COL8A1: variants seen among roughly 807,000 people sequenced by gnomAD.
COL8A1 encodes collagen alpha-1(VIII) chain.
A neutral mutation model predicts 42.7 loss-of-function variants in COL8A1; 21 were observed. The ratio of observed to expected loss-of-function variants is 0.49; its 90% CI spans 0.35 to 0.71. COL8A1 has a LOEUF of 0.71. Ranked by LOEUF, COL8A1 falls within the 30% of genes least tolerant of loss-of-function variation. The pLI is 0.01. For missense variants in COL8A1, 788 were observed against 962.4 expected, an observed-to-expected ratio of 0.82 and a Z score of 2.40; for synonymous variants, 367 against 369.1, an observed-to-expected ratio of 0.99 and a Z score of 0.06.
At chr3:99,783,111 T>C (rs141801471) in intron 2 of COL8A1, among the ~76,000 whole-genome samples, 232 of 152,310 alleles carry the variant, frequency 1.5e-3, no homozygotes, top group African/African-American at 5.2e-3. Context: ...GGCAATGAAC[T>C]TACAGTTCGG....
intron 2 of COL8A1, among the ~76,000 whole-genome samples, chr3:99,761,982 G>A (rs2107426452): frequency 6.6e-6 from 1 of 152,266 alleles, no homozygotes; most frequent in African/African-American, 2.4e-5. Context: ...GGCTGACAGA[G>A]AGGCGATACA....
intron 1 of COL8A1, among the ~76,000 whole-genome samples, chr3:99,733,543 T>A (rs1450648699): frequency 6.6e-6 from 1 of 152,026 alleles, no homozygotes; most frequent in Non-Finnish European, 1.5e-5. Flanking sequence ...TAATCCAGTC[T>A]ATCATTGTTG....
chr3:99,758,517 A>C (rs1040350483), intron 2 of COL8A1, among the ~76,000 whole-genome samples: 1 of 152,156 alleles, frequency 6.6e-6, no homozygotes, highest in African/African-American at 2.4e-5. Context: ...GCTGTAACAG[A>C]TACTTTATTG....
intron 1 of COL8A1, among the ~76,000 whole-genome samples, chr3:99,677,398 A>G (rs549573253): frequency 8.9e-4 from 136 of 152,228 alleles, no homozygotes; most frequent in African/African-American, 3.1e-3. Context: ...TTCACCAGTC[A>G]TTACCTAACA....
chr3:99,762,913 T>C (rs1941391131), intron 2 of COL8A1, among the ~76,000 whole-genome samples: 1 of 152,142 alleles, frequency 6.6e-6, no homozygotes, highest in African/African-American at 2.4e-5. Context: ...ACCTGGGTAG[T>C]ACTTGGAGTT....
chr3:99,697,880 A>C (rs1016042162), intron 1 of COL8A1, among the ~76,000 whole-genome samples: 3 of 152,146 alleles, frequency 2.0e-5, no homozygotes, highest in African/African-American at 7.2e-5. Flanking sequence ...GGTTTGTTAC[A>C]TAGGTATACA....
At chr3:99,725,209 T>TA (rs1940270719) in intron 1 of COL8A1, among the ~76,000 whole-genome samples, 1 of 152,002 alleles carries the variant, frequency 6.6e-6, no homozygotes, top group Non-Finnish European at 1.5e-5. Flanking sequence ...AGAGGAATCA[T>TA]CCAAGAGTTG....
At chr3:99,669,486 G>T (rs1373920091) in intron 1 of COL8A1, among the ~76,000 whole-genome samples, 23 of 151,984 alleles carry the variant, frequency 1.5e-4, no homozygotes, top group Non-Finnish European at 5.9e-5. Context: ...CATTAACTGA[G>T]ATAATTGAGA....
intron 1 of COL8A1, among the ~76,000 whole-genome samples, chr3:99,734,679 C>T (rs1476137923): frequency 6.6e-6 from 1 of 151,768 alleles, no homozygotes; most frequent in Non-Finnish European, 1.5e-5. Flanking sequence ...TTTTCCAATT[C>T]TGTGAAGAAA....
intron 1 of COL8A1, among the ~76,000 whole-genome samples, chr3:99,657,776 A>G (rs1938068971): frequency 6.6e-6 from 1 of 152,118 alleles, no homozygotes; most frequent in African/African-American, 2.4e-5. Flanking sequence ...TGTTTGCACC[A>G]TCTGCCACAC....
chr3:99,694,966 T>A (rs1463769473), intron 1 of COL8A1, among the ~76,000 whole-genome samples: 1 of 152,178 alleles, frequency 6.6e-6, no homozygotes, highest in Admixed American at 6.5e-5. Flanking sequence ...ATAATTAACA[T>A]CCTCTGTGAG....
chr3:99,697,700 A>G (rs981725741), intron 1 of COL8A1, among the ~76,000 whole-genome samples: 3 of 152,248 alleles, frequency 2.0e-5, no homozygotes, highest in South Asian at 2.1e-4. Flanking sequence ...CTCAAGATTC[A>G]GTGCACCTGC....
chr3:99,714,689 C>G (rs1939944963), intron 1 of COL8A1, among the ~76,000 whole-genome samples: 1 of 152,064 alleles, frequency 6.6e-6, no homozygotes, highest in South Asian at 2.1e-4. Flanking sequence ...AAGCCATGAT[C>G]TTAGGCTCTG....
At chr3:99,702,089 C>T (rs1284721111) in intron 1 of COL8A1, among the ~76,000 whole-genome samples, 1 of 152,160 alleles carries the variant, frequency 6.6e-6, no homozygotes, top group Non-Finnish European at 1.5e-5. Context: ...CTAACTGTCT[C>T]CCAGCCCTAC....
intron 1 of COL8A1, among the ~76,000 whole-genome samples, chr3:99,646,063 G>T (rs1937634851): frequency 6.6e-6 from 1 of 152,090 alleles, no homozygotes; most frequent in Non-Finnish European, 1.5e-5. Flanking sequence ...CTAAATCTGG[G>T]TCTCTCCAGG....
chr3:99,672,632 C>T (rs1294987542), intron 1 of COL8A1, among the ~76,000 whole-genome samples: 3 of 151,844 alleles, frequency 2.0e-5, no homozygotes, highest in African/African-American at 7.2e-5. Context: ...ATCATTCTTA[C>T]ACTTATTTTT....
chr3:99,719,453 A>G (rs974913727), intron 1 of COL8A1, among the ~76,000 whole-genome samples: 1 of 152,140 alleles, frequency 6.6e-6, no homozygotes, highest in Admixed American at 6.6e-5. Flanking sequence ...CACTCAGAAT[A>G]TAACAGTGAG....
intron 2 of COL8A1, among the ~76,000 whole-genome samples, chr3:99,765,295 G>T (rs900156): frequency 8.7e-4 from 132 of 152,172 alleles, no homozygotes; most frequent in African/African-American, 3.0e-3. Context: ...CTGGTAAACT[G>T]CTCAAACTCA....
intron 1 of COL8A1, among the ~76,000 whole-genome samples, chr3:99,744,599 T>C (rs1343791315): frequency 3.9e-5 from 6 of 152,258 alleles, no homozygotes; most frequent in Non-Finnish European, 8.8e-5. Flanking sequence ...TATTTCTTCA[T>C]AAATTTGCAT....
Sources: gnomAD v4.1 joint callset for allele counts (sites outside exome capture counted in the v4.1 genomes callset) on GRCh38, gnomAD v4.1.1 for gene constraint, MANE v1.5 for transcripts, NCBI Gene and HGNC (gene_info 2026-07-23, HGNC 2026-07-21) for gene names.